CCDC171: variants seen among roughly 807,000 people sequenced by gnomAD.
CCDC171 encodes coiled-coil domain containing 171, also known as coiled-coil domain-containing protein 171.
In CCDC171, 177 loss-of-function variants were observed where a neutral mutation model predicts 168.2. That is an observed-to-expected ratio of 1.05 (90% CI 0.93 to 1.19). The LOEUF is 1.19. Ranked by LOEUF, CCDC171 falls within the 50% of genes most tolerant of loss-of-function variation. CCDC171 has a pLI of 0.00. For synonymous variants in CCDC171, 687 were observed against 540.8 expected, an observed-to-expected ratio of 1.27 and a Z score of -3.75; for missense variants, 1,991 against 1,539.0, an observed-to-expected ratio of 1.29 and a Z score of -4.91.
chr9:15,573,767 A>G (rs1184347381), intron 3 of CCDC171, among the ~76,000 whole-genome samples: 4 of 152,078 alleles, frequency 2.6e-5, no homozygotes, highest in African/African-American at 9.7e-5. Context: ...TCTATTAAAT[A>G]AATTCTCTCA....
intron 25 of CCDC171, among the ~76,000 whole-genome samples, chr9:15,955,424 G>A (rs1057242291): frequency 9.9e-5 from 15 of 152,078 alleles, no homozygotes; most frequent in African/African-American, 3.1e-4. Context: ...GATAAGAAGC[G>A]ACAATCAGAG....
At chr9:16,011,768 A>T (rs1032733346) in intron 3 of CCDC171, among the ~76,000 whole-genome samples, 3 of 152,252 alleles carry the variant, frequency 2.0e-5, no homozygotes, top group Non-Finnish European at 4.4e-5. Context: ...CAAAGCTTAC[A>T]GTTAATTAGG....
intron 24 of CCDC171, among the ~76,000 whole-genome samples, chr9:15,890,758 T>C (rs1208904723): frequency 6.6e-6 from 1 of 152,176 alleles, no homozygotes; most frequent in East Asian, 1.9e-4. Context: ...TCAATAAACC[T>C]GTTTTAAAAA....
chr9:16,056,465 G>C (rs753012778), intron 1 of CCDC171, among the ~76,000 whole-genome samples: 2 of 152,132 alleles, frequency 1.3e-5, no homozygotes, highest in African/African-American at 2.4e-5. Flanking sequence ...ATATTTGACA[G>C]AGAAGTTTTT....
chr9:15,781,766 G>T (rs376519841), intron 20 of CCDC171, among the ~76,000 whole-genome samples: 1 of 152,080 alleles, frequency 6.6e-6, no homozygotes, highest in Non-Finnish European at 1.5e-5. Flanking sequence ...AGTACGTGAC[G>T]ATTTCTAACA....
At chr9:16,049,868 A>G (rs1296015224) in intron 1 of CCDC171, among the ~76,000 whole-genome samples, 1 of 152,116 alleles carries the variant, frequency 6.6e-6, no homozygotes, top group Non-Finnish European at 1.5e-5. Flanking sequence ...CAGGGAAGCC[A>G]GATATTATTC....
At chr9:15,859,681 G>A (rs1420030764) in intron 23 of CCDC171, among the ~76,000 whole-genome samples, 2 of 144,024 alleles carry the variant, frequency 1.4e-5, no homozygotes, top group African/African-American at 2.6e-5. Flanking sequence ...TTTTGAGACA[G>A]TGTCTTGCTC....
chr9:15,633,869 TTG>T (rs1436877109), intron 7 of CCDC171, among the ~76,000 whole-genome samples: 5 of 152,188 alleles, frequency 3.3e-5, no homozygotes, highest in African/African-American at 1.2e-4. Context: ...TTCATGTCCT[TTG>T]TAGGGACATG....
chr9:15,712,587 A>G (rs2052751831), intron 11 of CCDC171, among the ~76,000 whole-genome samples: 1 of 152,194 alleles, frequency 6.6e-6, no homozygotes, highest in African/African-American at 2.4e-5. Flanking sequence ...TTGGTCAGAA[A>G]CGTTATGGTT....
Position 15,973,820 on chromosome 9 carries a change from A to G in CCDC171, c.*1984A>G, listed in dbSNP as rs953030221. Reference sequence around the variant, plus strand: ...TTCATGTGATATCACTGAGCTTACAATTCTCACTAGAGAAGAACAAGGTTA... The same window carrying G: ...TTCATGTGATATCACTGAGCTTACAGTTCTCACTAGAGAAGAACAAGGTTA... On this transcript the variant is annotated 3_prime_UTR_variant, in exon 26 of 26. Coordinates refer to ENST00000380701, the MANE Select transcript of CCDC171 (RefSeq NM_173550.4). The G allele has an allele frequency of 1.3e-5, 2 of 152,150 alleles. No individual in the cohort carries two copies. The highest frequency in any genetic ancestry group is 2.9e-5 in the Non-Finnish European group (2 of 68,024). 9.4% of individuals were successfully genotyped at this position (152,150 alleles called of 1,614,324 possible).
chr9:15,947,531 A>G (rs1828552429), intron 25 of CCDC171, among the ~76,000 whole-genome samples: 1 of 152,032 alleles, frequency 6.6e-6, no homozygotes, highest in South Asian at 2.1e-4. Flanking sequence ...AGTAGCATAT[A>G]TCAGCATTTC....
intron 25 of CCDC171, among the ~76,000 whole-genome samples, chr9:15,961,883 G>A (rs1350699975): frequency 6.6e-6 from 1 of 152,044 alleles, no homozygotes; most frequent in African/African-American, 2.4e-5. Flanking sequence ...CACAAAACAA[G>A]CACCATATGT....
At chr9:16,046,945 C>G (rs1427128596) in intron 1 of CCDC171, among the ~76,000 whole-genome samples, 1 of 152,202 alleles carries the variant, frequency 6.6e-6, no homozygotes, top group African/African-American at 2.4e-5. Flanking sequence ...ATCTCACTCT[C>G]CTTCCCTCCC....
At chr9:15,909,394 A>G (rs899037361) in intron 24 of CCDC171, among the ~76,000 whole-genome samples, 1 of 72,906 alleles carries the variant, frequency 1.4e-5, no homozygotes, top group Non-Finnish European at 3.0e-5. Context: ...ATTCATGTAC[A>G]TGTGCGTACA....
At chr9:15,572,280 T>C (rs1202208460) in intron 3 of CCDC171, among the ~76,000 whole-genome samples, 1 of 152,150 alleles carries the variant, frequency 6.6e-6, no homozygotes, top group African/African-American at 2.4e-5. Context: ...AATTCATGAG[T>C]CATATCTTTA....
At chr9:15,958,080 A>C (rs1031770155) in intron 25 of CCDC171, among the ~76,000 whole-genome samples, 2 of 152,190 alleles carry the variant, frequency 1.3e-5, no homozygotes, top group South Asian at 2.1e-4. Context: ...TTTCTTTAGA[A>C]TATGGATTAG....
intron 24 of CCDC171, among the ~76,000 whole-genome samples, chr9:15,912,076 C>T (rs771544453): frequency 2.0e-5 from 3 of 152,188 alleles, no homozygotes; most frequent in Middle Eastern, 6.8e-3. Flanking sequence ...GTTTTTCTAA[C>T]TCTGTGAAGG....
chr9:15,959,573 G>A (rs1830144437), intron 25 of CCDC171, among the ~76,000 whole-genome samples: 1 of 152,130 alleles, frequency 6.6e-6, no homozygotes, highest in Non-Finnish European at 1.5e-5. Flanking sequence ...TTTGAAACCT[G>A]TGTCAAAATT....
chr9:15,749,260 A>C (rs2055541219), intron 18 of CCDC171, among the ~76,000 whole-genome samples: 1 of 152,232 alleles, frequency 6.6e-6, no homozygotes, highest in African/African-American at 2.4e-5. Flanking sequence ...TCAATTCAAC[A>C]AGAAGAGCTA....
Sources: allele counts gnomAD v4.1 joint callset (sites outside exome capture counted in the v4.1 genomes callset), GRCh38; gene constraint gnomAD v4.1.1; transcripts MANE v1.5; gene names NCBI Gene and HGNC (gene_info 2026-07-23, HGNC 2026-07-21).